Variants in RGS9 observed in about 807,000 individuals in gnomAD.
The protein encoded by RGS9 is regulator of G-protein signalling 9.
RGS9 carries 78 observed loss-of-function variants against 102.0 expected under a neutral mutation model. That is an observed-to-expected ratio of 0.76 (90% confidence interval 0.64 to 0.92). The LOEUF is 0.92. Ranked by LOEUF, RGS9 falls within the 40% of genes least tolerant of loss-of-function variation. The pLI is 0.00. For synonymous variants in RGS9, 353 were observed against 318.6 expected (o/e 1.11, Z -1.15); for missense variants, 833 against 866.1 (o/e 0.96, Z 0.48).
rs374170595 is a variant in RGS9, at chr17:65,166,867, C to T, written c.501-1333C>T. 6.4e-4 allele frequency among the ~76,000 whole-genome samples: 98 copies of T among 152,324 alleles called. 2 individuals are homozygous for T. Among genetic ancestry groups the T allele is most frequent in the Middle Eastern group, 6.8e-3 (2 of 294 alleles). ...TGAAAACAATGTTTATATTTAATTTCCAGAGGAGGCTGACGGAACGCCCAA... is the reference window on the plus strand; with the variant it reads ...TGAAAACAATGTTTATATTTAATTTTCAGAGGAGGCTGACGGAACGCCCAA... On this transcript the variant is annotated intron_variant, in intron 7 of 18. Transcript: ENST00000262406.
chr17:65,140,910 G>A (rs984650555), intron 1 of RGS9, among the ~76,000 whole-genome samples: 1 of 151,188 alleles, frequency 6.6e-6, no homozygotes, highest in African/African-American at 2.4e-5. Flanking sequence ...GACCACTGGT[G>A]TGAGCCAGAG....
chr17:65,209,694 A>G, intron 16 of RGS9, among the ~76,000 whole-genome samples: 1 of 152,214 alleles, frequency 6.6e-6, no homozygotes, highest in Admixed American at 6.5e-5. Flanking sequence ...AGCCCTCTTC[A>G]GGCCTCTTCC....
chr17:65,208,727 C>T (rs1276477666), intron 16 of RGS9, among the ~76,000 whole-genome samples: 2 of 152,270 alleles, frequency 1.3e-5, no homozygotes, highest in South Asian at 2.1e-4. Context: ...TCCTGTCCCC[C>T]CCAAAGTGAG....
At position 65,145,453 on chromosome 17, in the gene RGS9, A is replaced by T. The variant is rs140905868; in HGVS notation, c.57+7856A>T. 1.1e-4 allele frequency among the ~76,000 whole-genome samples: 17 copies of T among 151,100 alleles called. No individual in the cohort carries two copies. The East Asian group carries it at 3.3e-3, about 29-fold the overall frequency. Reference sequence around the variant, plus strand: ...GACCAGGCTGGCGTGCAGTGGCTTGATATCGTCTCAGTGCAACCTCTGCCT... The same window carrying T: ...GACCAGGCTGGCGTGCAGTGGCTTGTTATCGTCTCAGTGCAACCTCTGCCT... On this transcript the variant is annotated intron_variant, in intron 1 of 18. Transcript: ENST00000262406.
At chr17:65,208,818 G>A (rs559736752) in intron 16 of RGS9, among the ~76,000 whole-genome samples, 12 of 151,958 alleles carry the variant, frequency 7.9e-5, no homozygotes, top group Non-Finnish European at 1.6e-4. Context: ...GGGGATGGCC[G>A]GACCAGAGCC....
At chr17:65,159,442 C>T (rs892304118) in intron 3 of RGS9, among the ~76,000 whole-genome samples, 1 of 152,028 alleles carries the variant, frequency 6.6e-6, no homozygotes, top group Admixed American at 6.5e-5. Flanking sequence ...AGGCATACAA[C>T]TTTAGGACTT....
intron 13 of RGS9, among the ~76,000 whole-genome samples, chr17:65,200,337 T>G (rs1023638296): frequency 2.0e-5 from 3 of 152,218 alleles, no homozygotes; most frequent in Non-Finnish European, 4.4e-5. Flanking sequence ...AGCCGAAATC[T>G]TCTTCCTTTT....
In RGS9 at chr17:65,152,685, C is replaced by A. The variant is rs191892325; in HGVS notation, c.58-737C>A. On this transcript the variant is annotated intron_variant, in intron 1 of 18. Transcript: ENST00000262406. ...GCTGGGAACTACAGGCATGTACCAC[C>A]ACGCCCAGATAATTTTTAAGTTTTT... Among the ~76,000 whole-genome samples, 1,133 of 152,218 alleles carry A rather than the reference C, an allele frequency of 7.4e-3. 10 individuals are homozygous for A. The highest frequency in any genetic ancestry group is 0.026 in the African/African-American group (1,073 of 41,502).
chr17:65,197,120 T>C lies in RGS9; in HGVS notation c.861-6T>C, dbSNP rs760811641. On this transcript the variant is annotated splice_region_variant and splice_polypyrimidine_tract_variant and intron_variant, in intron 12 of 18. Transcript: ENST00000262406. Reference sequence around the variant, plus strand: ...TCTCTGGTGCATTTACAAATCATCCTTGCAGGGTGGAAATCCCAACCAAGA... The same window carrying C: ...TCTCTGGTGCATTTACAAATCATCCCTGCAGGGTGGAAATCCCAACCAAGA... The C allele has an allele frequency of 1.6e-5, 26 of 1,607,998 alleles. No homozygotes were observed. The highest frequency in any genetic ancestry group is 2.2e-5 in the Non-Finnish European group (26 of 1,175,428).
At chr17:65,190,505 A>C (rs9900841) in intron 11 of RGS9, among the ~76,000 whole-genome samples, 1 of 152,178 alleles carries the variant, frequency 6.6e-6, no homozygotes, top group African/African-American at 2.4e-5. Flanking sequence ...TGGATGGGGA[A>C]GTTAGAAAGA....
At position 65,176,825 on chromosome 17, in the gene RGS9, C is replaced by T. The variant is rs1047989726; in HGVS notation, c.583-907C>T. ...ATCTACCACAAATTTACCCATTCATCCATGCATCCATCCCTCCATCTATAC... is the reference window on the plus strand; with the variant it reads ...ATCTACCACAAATTTACCCATTCATTCATGCATCCATCCCTCCATCTATAC... On this transcript the variant is annotated intron_variant, in intron 8 of 18. Transcript: ENST00000262406. Among the ~76,000 whole-genome samples, 45 of 151,422 alleles carry T rather than the reference C, an allele frequency of 3.0e-4. 1 individual carries two copies.
intron 17 of RGS9, among the ~76,000 whole-genome samples, chr17:65,222,613 C>T (rs117749133): frequency 2.7e-3 from 412 of 152,286 alleles, no homozygotes; most frequent in Non-Finnish European, 4.8e-3. Flanking sequence ...GATACATCTA[C>T]GAGCCACCCT....
In RGS9 at chr17:65,193,642, C is replaced by T; in HGVS notation, c.846C>T (p.Asp282=). 1.9e-6 allele frequency: 3 copies of T among 1,608,846 alleles called. No individual in the cohort carries two copies. The highest frequency in any genetic ancestry group is 2.6e-6 in the Non-Finnish European group (3 of 1,175,196). The change falls in exon 12 of 19, where the codon GAC becomes GAT. Residue 282 remains aspartate, a synonymous_variant. Transcript: ENST00000262406. The stretch of plus-strand genomic sequence containing the variant: ...TCACCGATGACACCCAGTTCTGGGA[C>T]TTAAATGCCAAATTGTATGTATTTT... ...PWITDDTQFW[D]LNAKLVEIPT... is the part of the protein sequence containing the mutation.
Position 65,225,210 on chromosome 17 carries a change from A to G in RGS9, c.1616A>G (p.Lys539Arg), listed in dbSNP as rs776944678. 4 of 1,612,862 alleles carry G rather than the reference A, an allele frequency of 2.5e-6. No individual in the cohort carries two copies. The highest frequency in any genetic ancestry group is 3.4e-6 in the Non-Finnish European group (4 of 1,179,990). ...GAGAGCTCATCGGGCTTGGAGCAGA[A>G]AGGGGAGTGCAGCGGGTCCATGGCC... is the stretch of plus-strand genomic sequence containing the variant. ...ALESSSGLEQ[K>R]GECSGSMAPR... Residue 539 changes from lysine (K) to arginine (R), a missense_variant, in exon 18 of 19, where the codon AAA becomes AGA. This residue lies in a region of RGS9 where 320 missense variants were observed against 276.8 expected (regional missense o/e 1.16). Transcript: ENST00000262406.
chr17:65,160,563 T>C lies in RGS9; in HGVS notation c.340T>C (p.Trp114Arg). The change falls in exon 5 of 19, where the codon TGG (tryptophan) becomes CGG (arginine). Residue 114 changes from tryptophan to arginine, a missense_variant. Around this residue, in one of 3 missense-constraint regions of RGS9, gnomAD observed 328 missense variants for 340.6 expected, o/e 0.96. Coordinates refer to ENST00000262406, the MANE Select transcript of RGS9 (RefSeq NM_003835.4). Reference protein sequence around the residue: ...QTPYFWPTQQWPAEDTDYAIY... With the variant: ...QTPYFWPTQQRPAEDTDYAIY... ...ACCGTATTTCTGGCCCACCCAGCAG[T>C]GGCCAGCTGAAGATACCGATTACGG... 6.2e-7 allele frequency: 1 copy of C among 1,614,254 alleles called. No homozygotes were observed. The highest frequency in any genetic ancestry group is 8.5e-7 in the Non-Finnish European group (1 of 1,180,038).
Position 65,204,307 on chromosome 17 carries a change from TG to T in RGS9, c.1203+9del, listed in dbSNP as rs780682755. 105 of 1,613,742 alleles carry T rather than the reference TG, an allele frequency of 6.5e-5. No individual in the cohort carries two copies. The African/African-American group carries it at 1.2e-3, about 18-fold the overall frequency. On this transcript the variant is annotated splice_region_variant and intron_variant, in intron 15 of 18. Transcript: ENST00000262406. ...TTTACATGCTCATGAAGAAGGTAGG[TG>T]GGTCCGTGCTGTGGATACGGGGTCC...
intron 11 of RGS9, among the ~76,000 whole-genome samples, chr17:65,191,575 C>T (rs545008518): frequency 1.7e-4 from 26 of 151,944 alleles, no homozygotes; most frequent in Middle Eastern, 3.4e-3. Context: ...AATGGAGCCC[C>T]GTCTCTACTA....
chr17:65,210,665 C>A (rs778825958), intron 17 of RGS9, 60 bp downstream of exon 17: 13 of 1,605,470 alleles, frequency 8.1e-6, no homozygotes, highest in Non-Finnish European at 1.1e-5. Context: ...CTAAATAAAT[C>A]TGTGATTCCT....
At position 65,177,786 on chromosome 17, in the gene RGS9, G is replaced by A. The variant is rs1911705161; in HGVS notation, c.637G>A (p.Glu213Lys). Reference protein sequence around the residue: ...YGLDRVTNPNEVKVNQKQTVV... With the variant: ...YGLDRVTNPNKVKVNQKQTVV... ...CCTGGACCGAGTGACCAATCCGAAT[G>A]AAGTCAAGGTAAACCAGGTATGTCT... Residue 213 changes from glutamate (E) to lysine (K), a missense_variant, in exon 9 of 19, where the codon GAA (glutamate) becomes AAA (lysine). This residue lies in a region of RGS9 where 328 missense variants were observed against 340.6 expected (regional missense o/e 0.96). Coordinates refer to ENST00000262406, the MANE Select transcript of RGS9 (RefSeq NM_003835.4). 2 of 1,614,116 alleles carry A rather than the reference G, an allele frequency of 1.2e-6. No individual in the cohort carries two copies. Among genetic ancestry groups the A allele is most frequent in the African/African-American group, 2.7e-5 (2 of 74,946 alleles).
Sources: allele counts gnomAD v4.1 joint callset (sites outside exome capture counted in the v4.1 genomes callset), GRCh38; gene constraint gnomAD v4.1.1; regional missense constraint gnomAD v4.1.1; transcripts MANE v1.5; gene names NCBI Gene and HGNC (gene_info 2026-07-23, HGNC 2026-07-21).